The following USP39 variants were observed in gnomAD, a reference collection of about 807,000 sequenced individuals.
USP39 encodes ubiquitin specific peptidase 39.
A neutral mutation model predicts 66.4 loss-of-function variants in USP39; 38 were observed. That is an observed-to-expected ratio of 0.57 (90% CI 0.44 to 0.75). The LOEUF (loss-of-function observed/expected upper bound fraction) is 0.75, where lower values mean the gene tolerates loss of function less well. Among genes scored for constraint, USP39 ranks in the 30% least tolerant of loss-of-function variants. The pLI, the probability that USP39 is intolerant of heterozygous loss-of-function variation, is 0.00. For missense variants in USP39, 608 were observed against 714.4 expected (o/e 0.85, Z 1.70); for synonymous variants, 303 against 274.6 (o/e 1.10, Z -1.02).
intron 10 of USP39, among the ~76,000 whole-genome samples, chr2:85,643,056 G>A (rs1676361860): frequency 6.7e-6 from 1 of 149,032 alleles, no homozygotes; most frequent in Admixed American, 6.7e-5. Context: ...GGACAACATA[G>A]CAAGACCTTG....
intron 11 of USP39, among the ~76,000 whole-genome samples, chr2:85,645,519 T>G (rs1440379216): frequency 6.6e-6 from 1 of 152,106 alleles, no homozygotes; most frequent in Non-Finnish European, 1.5e-5. Context: ...CCTGACCTTG[T>G]GATCCACCCA....
chr2:85,629,340 C>T lies in USP39; in HGVS notation c.724-1381C>T, dbSNP rs1208663065. ...CCTCCCAAAGTGCTGGGATTATAGA[C>T]GTGAACCATCGCGCCTAGACCCCTC... On this transcript the variant is annotated intron_variant, in intron 5 of 12. Transcript: ENST00000323701. 4.0e-5 allele frequency among the ~76,000 whole-genome samples: 6 copies of T among 151,688 alleles called. No homozygotes were observed. The East Asian group carries it at 1.2e-3, about 30-fold the overall frequency.
rs1674635772 is a variant in USP39 at position 85,623,697 on chromosome 2, A to G, written c.485A>G (p.His162Arg). The G allele has an allele frequency of 6.2e-7, 1 of 1,614,000 alleles. No homozygotes were observed. Among genetic ancestry groups the G allele is most frequent in the African/African-American group, 1.3e-5 (1 of 75,032 alleles). ...ATTCACAGTGTCCAGTTTAGCCACC[A>G]TGTTTTCCTCAACCTCCACACCCTC... ...AYIHSVQFSH[H>R]VFLNLHTLKF... is the part of the protein sequence containing the mutation. The change falls in exon 4 of 13, where the codon CAT becomes CGT. Residue 162 changes from histidine to arginine, a missense_variant. His to Arg is a conservative substitution (Grantham distance 29). Around this residue, in one of 6 missense-constraint regions of USP39, gnomAD observed 115 missense variants for 198.6 expected, o/e 0.58. Transcript: ENST00000323701.
chr2:85,635,414 G>C (rs1675688996), intron 6 of USP39, among the ~76,000 whole-genome samples: 1 of 152,118 alleles, frequency 6.6e-6, no homozygotes, highest in African/African-American at 2.4e-5. Context: ...ACAAAAATTA[G>C]CTGGGCATGG....
exon 1 of USP39, chr2:85,603,004 T>A (rs1461865790): frequency 2.0e-5 from 3 of 151,846 alleles, no homozygotes; most frequent in Non-Finnish European, 4.4e-5. Flanking sequence ...CAGCTCTACC[T>A]GGGATTGTCG....
intron 10 of USP39, among the ~76,000 whole-genome samples, chr2:85,644,426 GTTC>G (rs58758192): frequency 0.073 from 11,141 of 151,996 alleles, 1,373 homozygotes; most frequent in African/African-American, 0.25. Context: ...CTATTTGAAA[GTTC>G]TTCTTCCTTT....
chr2:85,609,320 A>G, upstream of USP39: 1 of 1,437,994 alleles, frequency 7.0e-7, no homozygotes, highest in Non-Finnish European at 9.5e-7. Context: ...CTAGACTCAC[A>G]TGTGGAGCAG....
At chr2:85,608,888 G>C, upstream of USP39, 1 of 1,600,086 alleles carries the variant, frequency 6.2e-7, no homozygotes, top group Non-Finnish European at 8.5e-7. Context: ...TAAATTCCCT[G>C]GGCAGAATTC....
upstream of USP39, chr2:85,609,368 A>G: frequency 1.3e-6 from 2 of 1,571,648 alleles, no homozygotes; most frequent in Non-Finnish European, 1.7e-6. Context: ...AACAGGGCTC[A>G]GGGTCTGACA....
chr2:85,609,813 T>C (rs1483884027), upstream of USP39, among the ~76,000 whole-genome samples: 1 of 151,994 alleles, frequency 6.6e-6, no homozygotes, highest in African/African-American at 2.4e-5. Context: ...CCCGAGTAGC[T>C]GGGATTACAG....
upstream of USP39, chr2:85,609,620 G>T (rs777453681): frequency 1.9e-5 from 30 of 1,612,570 alleles, no homozygotes; most frequent in Admixed American, 4.7e-4. Flanking sequence ...AAAGAAGAGG[G>T]GGGGTGCTGC....
At chr2:85,618,445 C>A (rs917316740) in intron 1 of USP39, among the ~76,000 whole-genome samples, 8 of 151,356 alleles carry the variant, frequency 5.3e-5, no homozygotes, top group African/African-American at 1.9e-4. Context: ...GCCTGTAGTC[C>A]CAGCTACTCG....
intron 3 of USP39, among the ~76,000 whole-genome samples, chr2:85,621,934 C>G (rs1674497229): frequency 6.6e-6 from 1 of 152,118 alleles, no homozygotes; most frequent in East Asian, 1.9e-4. Flanking sequence ...ATTGTCCTGC[C>G]TCAGCCTCCA....
Position 85,630,773 on chromosome 2 carries a change from A to G in USP39, c.776A>G (p.Tyr259Cys), listed in dbSNP as rs769046464. Residue 259 changes from tyrosine to cysteine, a missense_variant, in exon 6 of 13, where the codon TAT (tyrosine) becomes TGT (cysteine). This residue lies in a region of USP39 where 33 missense variants were observed against 21.7 expected (regional missense o/e 1.52). Coordinates refer to ENST00000323701, the MANE Select transcript of USP39 (RefSeq NM_006590.4). ...AACTACTTTCTGGAAGAAGACAATTATAAGAACATCAAACGTCCTCCAGGG... is the reference window on the plus strand; with the variant it reads ...AACTACTTTCTGGAAGAAGACAATTGTAAGAACATCAAACGTCCTCCAGGG... ...LRNYFLEEDN[Y>C]KNIKRPPGDI... is the part of the protein sequence containing the mutation. 1 of 1,614,224 alleles carries G rather than the reference A, an allele frequency of 6.2e-7. No homozygotes were observed. Among genetic ancestry groups the G allele is most frequent in the South Asian group, 1.1e-5 (1 of 91,092 alleles).
chr2:85,645,191 G>C, intron 11 of USP39, 108 bp downstream of exon 11: 2 of 1,496,128 alleles, frequency 1.3e-6, no homozygotes, highest in East Asian at 2.3e-5. Context: ...CCTTGGCTTT[G>C]GGACTCTGCA....
intron 6 of USP39, among the ~76,000 whole-genome samples, chr2:85,632,668 T>C (rs1188425522): frequency 1.3e-5 from 2 of 152,068 alleles, no homozygotes; most frequent in East Asian, 3.9e-4. Flanking sequence ...CAGGCAGGTC[T>C]CGAGCTCCTG....
chr2:85,633,565 T>C (rs1675532040), intron 6 of USP39, among the ~76,000 whole-genome samples: 1 of 151,978 alleles, frequency 6.6e-6, no homozygotes, highest in African/African-American at 2.4e-5. Context: ...AGCCCAGGAG[T>C]TAGAGACCAT....
At chr2:85,644,798 C>A in intron 10 of USP39, 150 bp from the exon 11 acceptor site, 2 of 896,026 alleles carry the variant, frequency 2.2e-6, no homozygotes, top group Non-Finnish European at 3.2e-6. Flanking sequence ...TGAATTCCAA[C>A]GCACCTGGAC....
chr2:85,605,970 C>T (rs1381982661), intron 1 of USP39, among the ~76,000 whole-genome samples: 1 of 152,226 alleles, frequency 6.6e-6, no homozygotes, highest in Non-Finnish European at 1.5e-5. Flanking sequence ...GACTTCCGTG[C>T]TTGCCAGCTG....
Sources: allele counts gnomAD v4.1 joint callset (sites outside exome capture counted in the v4.1 genomes callset), GRCh38; gene constraint gnomAD v4.1.1; regional missense constraint gnomAD v4.1.1; transcripts MANE v1.5; gene names NCBI Gene and HGNC (gene_info 2026-07-23, HGNC 2026-07-21).